ABCC11: variants seen among roughly 807,000 people sequenced by gnomAD.
The protein encoded by ABCC11 is ATP binding cassette subfamily C member 11, also known as ATP-binding cassette sub-family C member 11.
In ABCC11, 135 loss-of-function variants were observed where a neutral mutation model predicts 149.3. That is an observed-to-expected ratio of 0.90 (90% confidence interval 0.79 to 1.04). The LOEUF (loss-of-function observed/expected upper bound fraction) is 1.04, where lower values mean the gene tolerates loss of function less well. ABCC11 is among the 50% of genes least tolerant of loss of function. The pLI, the probability that ABCC11 is intolerant of heterozygous loss-of-function variation, is 0.00. For synonymous variants in ABCC11, 665 were observed against 671.4 expected (o/e 0.99, Z 0.15); for missense variants, 1,680 against 1,722.1 (o/e 0.98, Z 0.43).
chr16:48,171,365 G>A (rs1244252830), intron 26 of ABCC11, among the ~76,000 whole-genome samples: 1 of 152,190 alleles, frequency 6.6e-6, no homozygotes, highest in Non-Finnish European at 1.5e-5. Context: ...GACGTGCGGA[G>A]AGATTGCAAC....
chr16:48,178,486 T>A, intron 24 of ABCC11, 111 bp downstream of exon 24: 1 of 965,976 alleles, frequency 1.0e-6, no homozygotes, highest in Non-Finnish European at 1.6e-6. Flanking sequence ...AGGAGCCTGG[T>A]GTTTCCTGGG....
At chr16:48,234,119 T>C (rs1970565671) in intron 1 of ABCC11, among the ~76,000 whole-genome samples, 1 of 152,252 alleles carries the variant, frequency 6.6e-6, no homozygotes, top group South Asian at 2.1e-4. Flanking sequence ...CCTTTGCCTA[T>C]TTCTGTGGTG....
intron 23 of ABCC11, among the ~76,000 whole-genome samples, chr16:48,181,200 T>A (rs1427994629): frequency 6.6e-6 from 1 of 152,178 alleles, no homozygotes; most frequent in African/African-American, 2.4e-5. Context: ...GACACTGGTG[T>A]GGTGCCTCTC....
In ABCC11 at chr16:48,186,939, GC is replaced by G. The variant is rs753231393; in HGVS notation, c.3071+13del. ...GTGGTTCCATCATTCTCAAATGGCA[GC>G]AGAAGGACTCACTGGCTGATGAAGT... is the stretch of plus-strand genomic sequence containing the variant. On this transcript the variant is annotated intron_variant, in intron 22 of 29. Transcript: ENST00000356608. 7 of 1,613,814 alleles carry G rather than the reference GC, an allele frequency of 4.3e-6. No homozygotes were observed. In the South Asian group the frequency reaches 7.7e-5, roughly 18 times the overall value.
At chr16:48,233,666 C>G (rs1970543293) in intron 1 of ABCC11, among the ~76,000 whole-genome samples, 1 of 152,276 alleles carries the variant, frequency 6.6e-6, no homozygotes, top group East Asian at 1.9e-4. Flanking sequence ...TTTATTCACA[C>G]ACAAAGATCC....
chr16:48,197,844 G>A, intron 17 of ABCC11, 127 bp downstream of exon 17: 1 of 987,984 alleles, frequency 1.0e-6, no homozygotes, highest in East Asian at 2.5e-5. Flanking sequence ...ACCTGTGTAT[G>A]TAAATGCTTA....
At chr16:48,186,583 C>T (rs1347462027) in intron 22 of ABCC11, among the ~76,000 whole-genome samples, 1 of 152,138 alleles carries the variant, frequency 6.6e-6, no homozygotes, top group Non-Finnish European at 1.5e-5. Flanking sequence ...ATTTAGAAAG[C>T]TATTGTTCCT....
At position 48,187,371 on chromosome 16, in the gene ABCC11, G is replaced by A. The variant is rs751888897; in HGVS notation, c.2763C>T (p.Asn921=). The A allele has an allele frequency of 2.8e-5, 45 of 1,614,064 alleles. No homozygotes were observed. The highest frequency in any genetic ancestry group is 3.6e-5 in the Non-Finnish European group (42 of 1,180,030). Residue 921 remains asparagine, a synonymous_variant, in exon 21 of 30, where the codon AAC becomes AAT. Coordinates refer to ENST00000356608, the MANE Select transcript of ABCC11 (RefSeq NM_001370497.1). ...FDTIPIGRLL[N]CFAGDLEQLD... is the part of the protein sequence containing the mutation. The stretch of plus-strand genomic sequence containing the variant: ...GCTGTTCCAAGTCCCCTGCGAAGCA[G>A]TTCAAAAGCCGGCCTATTGGGATGG...
At chr16:48,204,934 T>C (rs1014843188) in intron 13 of ABCC11, among the ~76,000 whole-genome samples, 1 of 152,202 alleles carries the variant, frequency 6.6e-6, no homozygotes, top group South Asian at 2.1e-4. Context: ...CACGGGGCCA[T>C]AGATTCAAAC....
chr16:48,177,143 A>G (rs1408479066), intron 24 of ABCC11, 30 bp from the exon 25 acceptor site: 5 of 1,600,184 alleles, frequency 3.1e-6, no homozygotes, highest in African/African-American at 1.3e-5. Context: ...AAAGAAATCA[A>G]TAGTTATCAT....
chr16:48,203,115 T>G, intron 14 of ABCC11, 113 bp downstream of exon 14: 1 of 1,211,670 alleles, frequency 8.3e-7, no homozygotes, highest in Non-Finnish European at 1.2e-6. Context: ...CAGGAAAAAC[T>G]CCAACTGCTT....
chr16:48,235,551 A>T (rs1019389459), intron 1 of ABCC11, among the ~76,000 whole-genome samples: 2 of 152,206 alleles, frequency 1.3e-5, no homozygotes, highest in African/African-American at 4.8e-5. Flanking sequence ...TCAGCCACAC[A>T]TTAGCTTGGG....
intron 26 of ABCC11, among the ~76,000 whole-genome samples, chr16:48,173,992 G>C (rs909575279): frequency 6.6e-6 from 1 of 152,092 alleles, no homozygotes; most frequent in African/African-American, 2.4e-5. Context: ...AAAAGAGTTT[G>C]TCTCCTATTT....
chr16:48,199,146 GT>G (rs1453816471), intron 15 of ABCC11, among the ~76,000 whole-genome samples: 11 of 151,544 alleles, frequency 7.3e-5, no homozygotes, highest in Admixed American at 5.3e-4. Flanking sequence ...GACACAGAAA[GT>G]AAAAAATAAA....
chr16:48,215,470 AG>A, intron 7 of ABCC11, 126 bp from the exon 8 acceptor site: 11 of 1,153,488 alleles, frequency 9.5e-6, no homozygotes, highest in Non-Finnish European at 1.3e-5. Context: ...TTCCAATCAA[AG>A]CTCTCCAGGC....
intron 24 of ABCC11, among the ~76,000 whole-genome samples, chr16:48,178,175 A>G (rs901289605): frequency 6.6e-6 from 1 of 152,218 alleles, no homozygotes; most frequent in Non-Finnish European, 1.5e-5. Flanking sequence ...AGAGAGTTTG[A>G]ATAAGTTGCC....
rs752938332 is a variant in ABCC11, at chr16:48,175,462, A to T, written c.3539-45T>A. The T allele has an allele frequency of 7.0e-6, 11 of 1,577,258 alleles. No homozygotes were observed. The East Asian group carries it at 2.3e-4, about 33-fold the overall frequency. On this transcript the variant is annotated intron_variant, in intron 25 of 29. Coordinates refer to ENST00000356608, the MANE Select transcript of ABCC11 (RefSeq NM_001370497.1). ...CGGGGCCTCAGTTTCCTGCATCTGCACTAGCGGAAGCACAGATCGCACCTG... is the reference window on the plus strand; with the variant it reads ...CGGGGCCTCAGTTTCCTGCATCTGCTCTAGCGGAAGCACAGATCGCACCTG...
At chr16:48,186,119 C>A (rs1596695234) in intron 22 of ABCC11, among the ~76,000 whole-genome samples, 1 of 152,300 alleles carries the variant, frequency 6.6e-6, no homozygotes, top group East Asian at 1.9e-4. Context: ...AGAGTCTGCA[C>A]AGACCTTGAG....
chr16:48,234,690 G>A (rs908469524), intron 1 of ABCC11, among the ~76,000 whole-genome samples: 2 of 152,188 alleles, frequency 1.3e-5, no homozygotes, highest in African/African-American at 4.8e-5. Flanking sequence ...GGACAACCCA[G>A]GTTGCAAACA....
Sources: gnomAD v4.1 joint callset for allele counts (sites outside exome capture counted in the v4.1 genomes callset) on GRCh38, gnomAD v4.1.1 for gene constraint, MANE v1.5 for transcripts, NCBI Gene and HGNC (gene_info 2026-07-23, HGNC 2026-07-21) for gene names.